CHRNA10: variants seen among roughly 807,000 people sequenced by gnomAD.
CHRNA10 encodes cholinergic receptor nicotinic alpha 10 subunit.
CHRNA10 carries 31 observed loss-of-function variants against 36.0 expected under a neutral mutation model. The ratio of observed to expected loss-of-function variants is 0.86; its 90% CI spans 0.65 to 1.16. The LOEUF is 1.16. Among genes scored for constraint, CHRNA10 ranks in the 50% most tolerant of loss-of-function variants. CHRNA10 has a pLI of 0.00. For synonymous variants in CHRNA10, 302 were observed against 287.0 expected (o/e 1.05, Z -0.53); for missense variants, 648 against 640.9 (o/e 1.01, Z -0.12).
intron 1 of CHRNA10, chr11:3,671,012 C>A: frequency 1.7e-6 from 1 of 571,552 alleles, no homozygotes. Context: ...ACATCTGGCC[C>A]CTCTGATTTT....
At position 3,669,915 on chromosome 11, in the gene CHRNA10, C is replaced by A; in HGVS notation, c.88G>T (p.Ala30Ser). 1.2e-6 allele frequency: 2 copies of A among 1,614,198 alleles called. No homozygotes were observed. Among genetic ancestry groups the A allele is most frequent in the Non-Finnish European group, 1.7e-6 (2 of 1,180,030 alleles). ...AECLGAEGRL[A>S]LKLFRDLFAN... ...AAGAGGTCACGGAACAGCTTGAGAG[C>A]CAGCCGGCCCTCAGCTCCCAGGCAC... Residue 30 changes from alanine to serine, a missense_variant, in exon 2 of 5, where the codon GCT becomes TCT. Coordinates refer to ENST00000250699, the MANE Select transcript of CHRNA10 (RefSeq NM_020402.4).
chr11:3,667,472 A>G lies in CHRNA10; in HGVS notation c.655T>C (p.Cys219Arg), dbSNP rs2077673982. Residue 219 changes from cysteine to arginine, a missense_variant, in exon 4 of 5, where the codon TGC becomes CGC. By Grantham distance (180) the Cys-to-Arg change is radical. Transcript: ENST00000250699. ...ARRRVLTYGC[C>R]SEPYPDVTFT... Reference sequence around the variant, plus strand: ...GTGACGTCGGGGTAGGGCTCGGAGCAGCAGCCGTAGGTGAGCACGCGCCGC... The same window carrying G: ...GTGACGTCGGGGTAGGGCTCGGAGCGGCAGCCGTAGGTGAGCACGCGCCGC... 17 of 1,592,084 alleles carry G rather than the reference A, an allele frequency of 1.1e-5. No homozygotes were observed. Among genetic ancestry groups the G allele is most frequent in the Non-Finnish European group, 1.4e-5 (16 of 1,175,292 alleles).
chr11:3,667,124 C>T, intron 4 of CHRNA10, 108 bp downstream of exon 4: 1 of 1,421,468 alleles, frequency 7.0e-7, no homozygotes, highest in Non-Finnish European at 9.2e-7. Flanking sequence ...GGACGCCCCC[C>T]TCTCACTTTC....
At position 3,669,643 on chromosome 11, in the gene CHRNA10, A is replaced by G. The variant is rs1249111899; in HGVS notation, c.207+153T>C. The G allele has an allele frequency of 6.7e-6, 7 of 1,040,884 alleles. No homozygotes were observed. The East Asian group carries it at 1.2e-4, about 18-fold the overall frequency. 64.5% of individuals were successfully genotyped at this position (1,040,884 alleles called of 1,614,324 possible). ...AGGCACCCAATACTCAGTACCCAAC[A>G]GTCAGTACCCAACAGTTTGTAACTG... On this transcript the variant is annotated intron_variant, in intron 2 of 4. Transcript: ENST00000250699.
rs968625426 is a variant in CHRNA10 at position 3,667,141 on chromosome 11, G to C, written c.895+91C>G. The C allele has an allele frequency of 2.1e-6, 3 of 1,431,688 alleles. No individual in the cohort carries two copies. In the African/African-American group the frequency reaches 4.4e-5, roughly 21 times the overall value. 88.7% of individuals were successfully genotyped at this position (1,431,688 alleles called of 1,614,324 possible). A position where few individuals can be genotyped will look rare whatever the true frequency, so the allele number is the denominator to read the frequency against. On this transcript the variant is annotated intron_variant, in intron 4 of 4. Coordinates refer to ENST00000250699, the MANE Select transcript of CHRNA10 (RefSeq NM_020402.4). The stretch of plus-strand genomic sequence containing the variant: ...ACGCCCCCCTCTCACTTTCTGCAGT[G>C]GGGCCGTTCCGCAGACCCAGGCCCT...
rs1163633845 is a variant in CHRNA10 at position 3,666,415 on chromosome 11, A to G, written c.1045T>C (p.Cys349Arg). 1.9e-6 allele frequency: 3 copies of G among 1,614,030 alleles called. No individual in the cohort carries two copies. Among genetic ancestry groups the G allele is most frequent in the Admixed American group, 3.3e-5 (2 of 60,008 alleles). Residue 349 changes from cysteine (C) to arginine (R), a missense_variant, in exon 5 of 5, where the codon TGC becomes CGC. Physicochemically the swap from Cys to Arg is radical, Grantham distance 180. Coordinates refer to ENST00000250699, the MANE Select transcript of CHRNA10 (RefSeq NM_020402.4). ...CAGGGCTCCCCTCTTTCCCGCACGC[A>G]CAGGCCCCGTGCCAGGTGTCCCAGC... ...LLLGHLARGL[C>R]VRERGEPCGQ...
intron 4 of CHRNA10, among the ~76,000 whole-genome samples, chr11:3,666,842 G>A (rs2077666247): frequency 6.6e-6 from 1 of 152,130 alleles, no homozygotes; most frequent in South Asian, 2.1e-4. Flanking sequence ...AAATAACGAC[G>A]GGCATGAGCT....
At chr11:3,669,730 T>C (rs753632834) in intron 2 of CHRNA10, 66 bp downstream of exon 2, 1 of 1,572,648 alleles carries the variant, frequency 6.4e-7, no homozygotes, top group African/African-American at 1.3e-5. Context: ...TCCCAGTCTC[T>C]CACCCCTTCA....
Position 3,667,334 on chromosome 11 carries a change from C to T in CHRNA10, c.793G>A (p.Gly265Ser). The change falls in exon 4 of 5, where the codon GGC becomes AGC. Residue 265 changes from glycine to serine, a missense_variant. Physicochemically the swap from Gly to Ser is moderately conservative, Grantham distance 56. Transcript: ENST00000250699. ...PLAFHLPADS[G>S]EKVSLGVTVL... ...GTGACGCCCAGCGACACCTTCTCGC[C>T]TGAGTCGGCAGGCAGGTGGAAGGCG... 1.2e-6 allele frequency: 2 copies of T among 1,600,732 alleles called. No homozygotes were observed. Among genetic ancestry groups the T allele is most frequent in the Non-Finnish European group, 1.7e-6 (2 of 1,178,622 alleles).
At position 3,665,943 on chromosome 11, in the gene CHRNA10, A is replaced by C; in HGVS notation, c.*164T>G. 1.7e-6 allele frequency: 1 copy of C among 578,154 alleles called. No individual in the cohort carries two copies. The highest frequency in any genetic ancestry group is 2.9e-6 in the Non-Finnish European group (1 of 341,868). The allele number at this position is 578,154 out of a possible 1,614,324, so 35.8% of individuals were successfully genotyped here. A position where few individuals can be genotyped will look rare whatever the true frequency, so the allele number is the denominator to read the frequency against. On this transcript the variant is annotated 3_prime_UTR_variant, in exon 5 of 5. Transcript: ENST00000250699. ...TGGACTTCCTTTAGTTAGGGTGTGT[A>C]GACAATGAGTGCTCCCTTGTGGATT...
At position 3,669,807 on chromosome 11, in the gene CHRNA10, T is replaced by TGTCTGACA; in HGVS notation, c.195_196insTGTCAGAC (p.Ile66CysfsTer14). ...CCACCACAACGCACCATGTCGATGA[T>TGTCTGACA]CTGGGACAGTGTCACCTCCAGGGTC... On this transcript the variant is annotated frameshift_variant, in exon 2 of 5. Coordinates refer to ENST00000250699, the MANE Select transcript of CHRNA10 (RefSeq NM_020402.4). LOFTEE classifies it high-confidence loss of function. 6.2e-7 allele frequency: 1 copy of TGTCTGACA among 1,614,216 alleles called. No homozygotes were observed. Among genetic ancestry groups the TGTCTGACA allele is most frequent in the Non-Finnish European group, 8.5e-7 (1 of 1,180,026 alleles).
chr11:3,669,488 G>C (rs2077696408), intron 2 of CHRNA10, 138 bp from the exon 3 acceptor site: 1 of 1,090,674 alleles, frequency 9.2e-7, no homozygotes, highest in East Asian at 2.4e-5. Flanking sequence ...ACCCAGACCT[G>C]ACCTTGCCAT....
rs748915083 is a variant in CHRNA10 at position 3,671,203 on chromosome 11, A to ATAG, written c.61+46_61+48dup. ...GGAAAGGGATTTTGGGAGAACAGGA[A>ATAG]TAGTAGCACCACCAGGAGAGGCCAG... On this transcript the variant is annotated intron_variant, in intron 1 of 4. Transcript: ENST00000250699. The ATAG allele has an allele frequency of 3.1e-5, 48 of 1,570,720 alleles. No homozygotes were observed. The African/African-American group carries it at 5.7e-4, about 19-fold the overall frequency.
Position 3,666,038 on chromosome 11 carries a change from CTTGGCCG to C in CHRNA10, c.*62_*68del. 1 of 1,394,680 alleles carries C rather than the reference CTTGGCCG, an allele frequency of 7.2e-7. No individual in the cohort carries two copies. Among genetic ancestry groups the C allele is most frequent in the Non-Finnish European group, 9.6e-7 (1 of 1,046,506 alleles). 86.4% of individuals were successfully genotyped at this position (1,394,680 alleles called of 1,614,324 possible). A position where few individuals can be genotyped will look rare whatever the true frequency, so the allele number is the denominator to read the frequency against. On this transcript the variant is annotated 3_prime_UTR_variant, in exon 5 of 5. Transcript: ENST00000250699. Reference sequence around the variant, plus strand: ...TGGCTGGCCCAAAGACCAGCAACCACTTGGCCGTGGCTGTCCCTTTCTGGAGGAGCTG... The same window carrying C: ...TGGCTGGCCCAAAGACCAGCAACCACTGGCTGTCCCTTTCTGGAGGAGCTG...
intron 1 of CHRNA10, 197 bp downstream of exon 1, chr11:3,671,053 ACT>A (rs2077710016): frequency 3.3e-6 from 2 of 604,936 alleles, no homozygotes; most frequent in Non-Finnish European, 5.8e-6. Context: ...CTCCCCGCTC[ACT>A]GTTTCCACCC....
Position 3,667,393 on chromosome 11 carries a change from A to G in CHRNA10, c.734T>C (p.Leu245Pro). 1.2e-6 allele frequency: 2 copies of G among 1,601,550 alleles called. No individual in the cohort carries two copies. Among genetic ancestry groups the G allele is most frequent in the Non-Finnish European group, 1.7e-6 (2 of 1,178,182 alleles). The change falls in exon 4 of 5, where the codon CTG becomes CCG. Residue 245 changes from leucine (L) to proline (P), a missense_variant. Physicochemically the swap from Leu to Pro is moderately conservative, Grantham distance 98. Coordinates refer to ENST00000250699, the MANE Select transcript of CHRNA10 (RefSeq NM_020402.4). ...RAAAYVCNLLLPCVLISLLAP... is the reference protein window; with the variant it reads ...RAAAYVCNLLPPCVLISLLAP... ...AAGCAGCGAGATGAGCACGCAGGGC[A>G]GCAGCAGGTTGCACACGTAGGCGGC...
Position 3,667,429 on chromosome 11 carries a change from C to T in CHRNA10, c.698G>A (p.Arg233His), listed in dbSNP as rs756764123. Residue 233 changes from arginine to histidine, a missense_variant, in exon 4 of 5, where the codon CGC becomes CAC. By Grantham distance (29) the Arg-to-His change is conservative. Transcript: ENST00000250699. ...GCACACGTAGGCGGCGGCGCGGCGGCGCAGCAGCAGCGTGAAGGTGACGTC... is the reference window on the plus strand; with the variant it reads ...GCACACGTAGGCGGCGGCGCGGCGGTGCAGCAGCAGCGTGAAGGTGACGTC... ...YPDVTFTLLL[R>H]RRAAAYVCNL... 13 of 1,596,512 alleles carry T rather than the reference C, an allele frequency of 8.1e-6. No individual in the cohort carries two copies. In the Admixed American group the frequency reaches 2.0e-4, roughly 25 times the overall value.
At chr11:3,668,629 G>A (rs1165388105) in intron 3 of CHRNA10, 2 of 152,322 alleles carry the variant, frequency 1.3e-5, no homozygotes. Context: ...TTCGAGGCCT[G>A]GAAGGGGTGG....
rs768856023 is a variant in CHRNA10 at position 3,666,347 on chromosome 11, C to T, written c.1113G>A (p.Ser371=). The change falls in exon 5 of 5, where the codon TCG becomes TCA. Residue 371 remains serine, a synonymous_variant. Transcript: ENST00000250699. ...RPPELSPSPQ[S]PEGGAGPPAG... is the part of the protein sequence containing the mutation. The stretch of plus-strand genomic sequence containing the variant: ...CTGGGGGGCCAGCCCCTCCTTCAGG[C>T]GACTGGGGGCTAGGAGATAACTCAG... The T allele has an allele frequency of 6.8e-6, 11 of 1,613,158 alleles. No individual in the cohort carries two copies. The highest frequency in any genetic ancestry group is 4.0e-5 in the African/African-American group (3 of 74,940).
Sources: gnomAD v4.1 joint callset for allele counts (sites outside exome capture counted in the v4.1 genomes callset) on GRCh38, gnomAD v4.1.1 for gene constraint, MANE v1.5 for transcripts, NCBI Gene and HGNC (gene_info 2026-07-23, HGNC 2026-07-21) for gene names.